The following SPATA20 variants were observed in gnomAD, a reference collection of about 807,000 sequenced individuals.
SPATA20 encodes the protein spermatogenesis associated 20.
In SPATA20, 74 loss-of-function variants were observed where a neutral mutation model predicts 98.9. That is an observed-to-expected ratio of 0.75 (90% CI 0.62 to 0.91). The LOEUF (loss-of-function observed/expected upper bound fraction) is 0.91, where lower values mean the gene tolerates loss of function less well. Ranked by LOEUF, SPATA20 falls within the 40% of genes least tolerant of loss-of-function variation. The pLI is 0.00. For synonymous variants in SPATA20, 430 were observed against 440.5 expected, an observed-to-expected ratio of 0.98 and a Z score of 0.30; for missense variants, 1,016 against 1,069.8, an observed-to-expected ratio of 0.95 and a Z score of 0.70.
rs1376652054 is a variant in SPATA20, at chr17:50,550,023, C to T, written c.901C>T (p.Arg301Ter). 2 of 1,578,440 alleles carry T rather than the reference C, an allele frequency of 1.3e-6. No homozygotes were observed. Among genetic ancestry groups the T allele is most frequent in the Non-Finnish European group, 1.7e-6 (2 of 1,156,336 alleles). Reference protein sequence around the residue: ...SFLFSYWLSHRLTQDGSRAQQ... With the variant: ...SFLFSYWLSH ...CCTGTTCTCCTACTGGCTCAGCCAT[C>T]GACTGACTCAGGATGGCTCTCGGGC... Residue 301 changes from arginine (R) to a stop codon, truncating the protein, a stop_gained, in exon 8 of 17, where the codon CGA becomes TGA. Coordinates refer to ENST00000006658, the MANE Select transcript of SPATA20 (RefSeq NM_022827.4). LOFTEE classifies it high-confidence loss of function.
At position 50,551,735 on chromosome 17, in the gene SPATA20, C is replaced by T. The variant is rs568734588; in HGVS notation, c.1745+56C>T. On this transcript the variant is annotated intron_variant, in intron 13 of 16. Transcript: ENST00000006658. ...TCTCCCCAACGCGTCCCCAGCCTAC[C>T]TCTGCCCTACTTCTCCCCTCCATGT... is the stretch of plus-strand genomic sequence containing the variant. 9.5e-5 allele frequency: 146 copies of T among 1,528,856 alleles called. 1 individual carries two copies. In the South Asian group the frequency reaches 1.7e-3, roughly 18 times the overall value. 94.7% of individuals were successfully genotyped at this position (1,528,856 alleles called of 1,614,324 possible).
At position 50,550,563 on chromosome 17, in the gene SPATA20, G is replaced by A. The variant is rs981157869; in HGVS notation, c.1126G>A (p.Val376Met). ...QLSGDEFYSD[V>M]AKGILQYVAR... is the part of the protein sequence containing the mutation. Reference sequence around the variant, plus strand: ...CTCTGGTGATGAATTCTACTCTGACGTGGCCAAAGGCATCCTGCAGTACGT... The same window carrying A: ...CTCTGGTGATGAATTCTACTCTGACATGGCCAAAGGCATCCTGCAGTACGT... The change falls in exon 10 of 17, where the codon GTG becomes ATG. Residue 376 changes from valine to methionine, a missense_variant. By Grantham distance (21) the Val-to-Met change is conservative (BLOSUM62 1). Coordinates refer to ENST00000006658, the MANE Select transcript of SPATA20 (RefSeq NM_022827.4). 6.8e-6 allele frequency: 11 copies of A among 1,613,958 alleles called. No homozygotes were observed. The highest frequency in any genetic ancestry group is 5.5e-5 in the South Asian group (5 of 91,088).
Position 50,552,160 on chromosome 17 carries a change from T to C in SPATA20, c.1937T>C (p.Leu646Pro), listed in dbSNP as rs754482644. 8 of 1,613,604 alleles carry C rather than the reference T, an allele frequency of 5.0e-6. No homozygotes were observed. Among genetic ancestry groups the C allele is most frequent in the Non-Finnish European group, 6.8e-6 (8 of 1,179,968 alleles). The change falls in exon 14 of 17, where the codon CTG becomes CCG. Residue 646 changes from leucine to proline, a missense_variant. Leu to Pro is a moderately conservative substitution (Grantham distance 98). Transcript: ENST00000006658. The part of the protein sequence containing the change: ...FCSEAELGAG[L>P]PLRLKDDQDG... ...AGTGAGGCTGAGCTGGGGGCTGGCCTGCCCCTGCGTCTGAAGGACGGTCAG... is the reference window on the plus strand; with the variant it reads ...AGTGAGGCTGAGCTGGGGGCTGGCCCGCCCCTGCGTCTGAAGGACGGTCAG...
chr17:50,554,746 A>G (rs558760180), intron 15 of SPATA20, among the ~76,000 whole-genome samples: 163 of 151,774 alleles, frequency 1.1e-3, no homozygotes, highest in African/African-American at 2.7e-3. Context: ...CTGTGCACCT[A>G]CCTTTGAGGG....
In SPATA20 at chr17:50,548,803, T is replaced by G. The variant is rs1168488026; in HGVS notation, c.362-7T>G. On this transcript the variant is annotated splice_polypyrimidine_tract_variant and splice_region_variant and intron_variant, in intron 4 of 16. Transcript: ENST00000006658. The stretch of plus-strand genomic sequence containing the variant: ...GCCCCCTGACCTCTCCCCATGGCCC[T>G]GTTCAGTCGGGTACTCCACCTGCCA... 6.2e-7 allele frequency: 1 copy of G among 1,610,258 alleles called. No individual in the cohort carries two copies. Among genetic ancestry groups the G allele is most frequent in the Non-Finnish European group, 8.5e-7 (1 of 1,178,074 alleles).
At position 50,549,282 on chromosome 17, in the gene SPATA20, G is replaced by A. The variant is rs371574747; in HGVS notation, c.661-4G>A. On this transcript the variant is annotated splice_polypyrimidine_tract_variant and splice_region_variant and intron_variant, in intron 6 of 16. Coordinates refer to ENST00000006658, the MANE Select transcript of SPATA20 (RefSeq NM_022827.4). ...ACCTCCAGGTGTGCCCCCACCTCCC[G>A]CAGTGGAAACAGAACAAGAACACCC... is the stretch of plus-strand genomic sequence containing the variant. 42 of 1,607,852 alleles carry A rather than the reference G, an allele frequency of 2.6e-5. No individual in the cohort carries two copies. Among genetic ancestry groups the A allele is most frequent in the Middle Eastern group, 1.6e-4 (1 of 6,074 alleles).
In SPATA20 at chr17:50,549,246, C is replaced by T. The variant is rs750375966; in HGVS notation, c.661-40C>T. 1.2e-5 allele frequency: 20 copies of T among 1,601,028 alleles called. 1 individual carries two copies. In the Admixed American group the frequency reaches 2.0e-4, roughly 16 times the overall value. ...GGGGGACTAGGAAACAAGAGCCCCTCCCCCTAGCTGACCTCCAGGTGTGCC... is the reference window on the plus strand; with the variant it reads ...GGGGGACTAGGAAACAAGAGCCCCTTCCCCTAGCTGACCTCCAGGTGTGCC... On this transcript the variant is annotated intron_variant, in intron 6 of 16. Coordinates refer to ENST00000006658, the MANE Select transcript of SPATA20 (RefSeq NM_022827.4).
chr17:50,549,127 C>G lies in SPATA20; in HGVS notation c.601C>G (p.Pro201Ala). 6.2e-7 allele frequency: 1 copy of G among 1,612,236 alleles called. No homozygotes were observed. Among genetic ancestry groups the G allele is most frequent in the South Asian group, 1.1e-5 (1 of 90,862 alleles). Reference protein sequence around the residue: ...QPFVGGTYFPPEDGLTRVGFR... With the variant: ...QPFVGGTYFPAEDGLTRVGFR... ...CTTTGTCGGGGGCACCTATTTCCCT[C>G]CTGAGGATGGCTTGACCCGAGTCGG... Residue 201 changes from proline (P) to alanine (A), a missense_variant, in exon 6 of 17, where the codon CCT becomes GCT. Pro to Ala is a conservative substitution (Grantham distance 27). Coordinates refer to ENST00000006658, the MANE Select transcript of SPATA20 (RefSeq NM_022827.4).
rs776448879 is a variant in SPATA20 at position 50,548,143 on chromosome 17, TCC to T, written c.126-136_126-135del. 2.7e-6 allele frequency: 4 copies of T among 1,490,126 alleles called. No individual in the cohort carries two copies. The African/African-American group carries it at 5.6e-5, about 21-fold the overall frequency. The allele number at this position is 1,490,126 out of a possible 1,614,324, so 92.3% of individuals were successfully genotyped here. A position where few individuals can be genotyped will look rare whatever the true frequency, so the allele number is the denominator to read the frequency against. ...AAGGGGGAGCACAAAGGCCACAGTC[TCC>T]CCCATGGTTCAGAAAGGTGGGTTGG... On this transcript the variant is annotated intron_variant, in intron 2 of 16. Coordinates refer to ENST00000006658, the MANE Select transcript of SPATA20 (RefSeq NM_022827.4).
intron 14 of SPATA20, 27 bp from the exon 15 acceptor site, chr17:50,554,224 C>G (rs1300932241): frequency 1.2e-6 from 2 of 1,609,852 alleles, no homozygotes. Context: ...CCCTTACCCC[C>G]ACCCCCTGCC....
Position 50,552,045 on chromosome 17 carries a change from C to A in SPATA20, c.1822C>A (p.Gln608Lys). Residue 608 changes from glutamine to lysine, a missense_variant, in exon 14 of 17, where the codon CAG becomes AAG. By Grantham distance (53) the Gln-to-Lys change is moderately conservative (BLOSUM62 1). Transcript: ENST00000006658. ...RGLLDLYEASQESAWLEWALR... is the reference protein window; with the variant it reads ...RGLLDLYEASKESAWLEWALR... ...CCTGCTGGACCTGTATGAGGCCTCACAGGAGAGTGCGTGGCTCGAGTGGGC... is the reference window on the plus strand; with the variant it reads ...CCTGCTGGACCTGTATGAGGCCTCAAAGGAGAGTGCGTGGCTCGAGTGGGC... The A allele has an allele frequency of 6.2e-7, 1 of 1,613,830 alleles. No homozygotes were observed. The highest frequency in any genetic ancestry group is 8.5e-7 in the Non-Finnish European group (1 of 1,179,952).
Position 50,549,997 on chromosome 17 carries a change from T to C in SPATA20, c.875T>C (p.Phe292Ser), listed in dbSNP as rs2034984701. 1 of 1,550,392 alleles carries C rather than the reference T, an allele frequency of 6.4e-7. No homozygotes were observed. Among genetic ancestry groups the C allele is most frequent in the Non-Finnish European group, 8.8e-7 (1 of 1,142,782 alleles). Reference protein sequence around the residue: ...PKFPTPVILSFLFSYWLSHRL... With the variant: ...PKFPTPVILSSLFSYWLSHRL... ...GGTGCCCCCACAGTGATCCTGAGCT[T>C]CCTGTTCTCCTACTGGCTCAGCCAT... Residue 292 changes from phenylalanine (F) to serine (S), a missense_variant, in exon 8 of 17, where the codon TTC becomes TCC. Physicochemically the swap from Phe to Ser is radical, Grantham distance 155 (BLOSUM62 -2). Coordinates refer to ENST00000006658, the MANE Select transcript of SPATA20 (RefSeq NM_022827.4).
At chr17:50,548,117 T>A (rs2034944319) in intron 2 of SPATA20, 166 bp from the exon 3 acceptor site, 1 of 1,502,716 alleles carries the variant, frequency 6.7e-7, no homozygotes, top group Non-Finnish European at 8.8e-7. Flanking sequence ...CCAAAAAACA[T>A]AAGGGGGAGC....
Position 50,549,038 on chromosome 17 carries a change from G to A in SPATA20, c.517-5G>A, listed in dbSNP as rs777314435. 10 of 1,613,536 alleles carry A rather than the reference G, an allele frequency of 6.2e-6. No individual in the cohort carries two copies. Among genetic ancestry groups the A allele is most frequent in the East Asian group, 2.2e-5 (1 of 44,894 alleles). On this transcript the variant is annotated splice_polypyrimidine_tract_variant and splice_region_variant and intron_variant, in intron 5 of 16. Transcript: ENST00000006658. ...CTCCCCTCACCCTCGCCCTCTCTCCGCCAGGCCACCAGCAGCGGCGGGGGC... is the reference window on the plus strand; with the variant it reads ...CTCCCCTCACCCTCGCCCTCTCTCCACCAGGCCACCAGCAGCGGCGGGGGC...
Position 50,555,632 on chromosome 17 carries a change from C to T in SPATA20, c.2379C>T (p.Pro793=). 1 of 1,614,028 alleles carries T rather than the reference C, an allele frequency of 6.2e-7. No homozygotes were observed. The highest frequency in any genetic ancestry group is 8.5e-7 in the Non-Finnish European group (1 of 1,179,956). Residue 793 remains proline (P), a synonymous_variant, in exon 17 of 17, where the codon CCC becomes CCT. Coordinates refer to ENST00000006658, the MANE Select transcript of SPATA20 (RefSeq NM_022827.4). Reference sequence around the variant, plus strand: ...CCTGCTCAGTGCCCATCACTGATCCCTGCGAATTACGAAAACTACTACATC... The same window carrying T: ...CCTGCTCAGTGCCCATCACTGATCCTTGCGAATTACGAAAACTACTACATC... ...NQACSVPITD[P]CELRKLLHP is the part of the protein sequence containing the mutation.
At position 50,550,145 on chromosome 17, in the gene SPATA20, G is replaced by A. The variant is rs1465982563; in HGVS notation, c.993+30G>A. ...CGGGCACTGGGTGTTCCCTGGAGGG[G>A]CAGCAGGGGGCTGTGGGGTGGGGCA... On this transcript the variant is annotated intron_variant, in intron 8 of 16. Transcript: ENST00000006658. The A allele has an allele frequency of 2.5e-6, 4 of 1,612,544 alleles. No individual in the cohort carries two copies. The South Asian group carries it at 3.3e-5, about 13-fold the overall frequency.
intron 14 of SPATA20, among the ~76,000 whole-genome samples, chr17:50,553,260 T>C (rs1330508658): frequency 6.6e-6 from 1 of 152,210 alleles, no homozygotes; most frequent in Non-Finnish European, 1.5e-5. Context: ...TGGCACATTG[T>C]AAGTGCTTAA....
At position 50,552,153 on chromosome 17, in the gene SPATA20, G is replaced by A. The variant is rs1271830746; in HGVS notation, c.1930G>A (p.Ala644Thr). The A allele has an allele frequency of 2.5e-6, 4 of 1,613,642 alleles. No individual in the cohort carries two copies. Among genetic ancestry groups the A allele is most frequent in the Non-Finnish European group, 3.4e-6 (4 of 1,180,016 alleles). Reference protein sequence around the residue: ...GYFCSEAELGAGLPLRLKDDQ... With the variant: ...GYFCSEAELGTGLPLRLKDDQ... ...CTTCTGCAGTGAGGCTGAGCTGGGG[G>A]CTGGCCTGCCCCTGCGTCTGAAGGA... Residue 644 changes from alanine to threonine, a missense_variant, in exon 14 of 17, where the codon GCT becomes ACT. By Grantham distance (58) the Ala-to-Thr change is moderately conservative. Coordinates refer to ENST00000006658, the MANE Select transcript of SPATA20 (RefSeq NM_022827.4).
In SPATA20 at chr17:50,550,233, G is replaced by T; in HGVS notation, c.1019G>T (p.Arg340Leu). 2.5e-6 allele frequency: 4 copies of T among 1,611,796 alleles called. No individual in the cohort carries two copies. Among genetic ancestry groups the T allele is most frequent in the Non-Finnish European group, 3.4e-6 (4 of 1,178,806 alleles). The change falls in exon 9 of 17, where the codon CGC becomes CTC. Residue 340 changes from arginine to leucine, a missense_variant. Transcript: ENST00000006658. ...GQGFHRYSTD[R>L]QWHVPHFEKM... ...GGCTTTCACCGCTACTCCACAGACC[G>T]CCAGTGGCACGTCCCTCACTTTGAG...
Sources: allele counts gnomAD v4.1 joint callset (sites outside exome capture counted in the v4.1 genomes callset), GRCh38; gene constraint gnomAD v4.1.1; transcripts MANE v1.5; gene names NCBI Gene and HGNC (gene_info 2026-07-23, HGNC 2026-07-21).